Variants in TTC39C observed in about 807,000 individuals in gnomAD.
TTC39C encodes tetratricopeptide repeat protein 39C.
A neutral mutation model predicts 76.3 loss-of-function variants in TTC39C; 33 were observed. That is an observed-to-expected ratio of 0.43 (90% confidence interval 0.33 to 0.58). TTC39C has a LOEUF of 0.58. Ranked by LOEUF, TTC39C falls within the 20% of genes least tolerant of loss-of-function variation. TTC39C has a pLI of 0.04. For missense variants in TTC39C, 595 were observed against 701.4 expected (o/e 0.85, Z 1.71); for synonymous variants, 254 against 260.6 (o/e 0.97, Z 0.24).
At chr18:24,049,049 G>A (rs2083919054) in intron 1 of TTC39C, among the ~76,000 whole-genome samples, 1 of 152,154 alleles carries the variant, frequency 6.6e-6, no homozygotes, top group Non-Finnish European at 1.5e-5. Flanking sequence ...ATAAGAAGTG[G>A]CCTTTATAAT....
intron 1 of TTC39C, among the ~76,000 whole-genome samples, chr18:24,060,313 G>GT (rs1294806136): frequency 0.25 from 22,524 of 89,270 alleles, 3,434 homozygotes; most frequent in Admixed American, 0.34. Context: ...TTGCGTTTCT[G>GT]TTTTTTTTTT....
At chr18:24,086,371 A>G (rs771745682) in intron 6 of TTC39C, among the ~76,000 whole-genome samples, 41 of 151,948 alleles carry the variant, frequency 2.7e-4, no homozygotes, top group Non-Finnish European at 5.1e-4. Context: ...TGTACTCGTT[A>G]TTTTCAAATC....
intron 6 of TTC39C, chr18:24,099,444 G>A (rs1408801914): frequency 6.6e-6 from 1 of 151,886 alleles, no homozygotes; most frequent in East Asian, 1.9e-4. Context: ...TACAGTTCCA[G>A]TGAGGGTTAG....
At chr18:24,107,459 A>T (rs1407744378) in intron 6 of TTC39C, among the ~76,000 whole-genome samples, 1 of 152,164 alleles carries the variant, frequency 6.6e-6, no homozygotes, top group East Asian at 1.9e-4. Context: ...GTGTCATGGG[A>T]GGGGCCAGGT....
At position 24,114,221 on chromosome 18, in the gene TTC39C, G is replaced by T. The variant is rs994321037; in HGVS notation, c.985-333G>T. 1.1e-5 allele frequency: 3 copies of T among 271,224 alleles called. 1 individual carries two copies. Among genetic ancestry groups the T allele is most frequent in the Non-Finnish European group, 2.1e-5 (3 of 141,006 alleles). The allele number at this position is 271,224 out of a possible 1,614,324, so 16.8% of individuals were successfully genotyped here. On this transcript the variant is annotated intron_variant, in intron 6 of 13. Coordinates refer to ENST00000317571, the MANE Select transcript of TTC39C (RefSeq NM_001135993.2). Reference sequence around the variant, plus strand: ...GTGAGAGAACGCTGGAGGAGAAGGCGGCGCGAGCTGAGCCCTTACCACCTG... The same window carrying T: ...GTGAGAGAACGCTGGAGGAGAAGGCTGCGCGAGCTGAGCCCTTACCACCTG...
At chr18:24,130,885 T>A (rs1279935006) in intron 12 of TTC39C, among the ~76,000 whole-genome samples, 2 of 151,652 alleles carry the variant, frequency 1.3e-5, no homozygotes, top group Non-Finnish European at 2.9e-5. Flanking sequence ...AAATACAGTT[T>A]TTAAAAGTTA....
At chr18:24,063,942 A>G (rs1296979814) in intron 1 of TTC39C, among the ~76,000 whole-genome samples, 198 bp from the exon 2 acceptor site, 1 of 152,330 alleles carries the variant, frequency 6.6e-6, no homozygotes, top group Middle Eastern at 3.4e-3. Context: ...GGCAAATTCT[A>G]TCCTGGCAGA....
intron 1 of TTC39C, among the ~76,000 whole-genome samples, chr18:24,029,300 T>G (rs893130423): frequency 6.6e-6 from 1 of 151,836 alleles, no homozygotes; most frequent in African/African-American, 2.4e-5. Context: ...ACGGGGTTTT[T>G]CCGTGTTGGC....
intron 6 of TTC39C, among the ~76,000 whole-genome samples, chr18:24,087,585 T>TTTTTTTTGTTTG (rs1288778755): frequency 6.8e-6 from 1 of 146,278 alleles, no homozygotes; most frequent in Non-Finnish European, 1.5e-5. Context: ...GAGAACTGTT[T>TTTTTTTTGTTTG]TTTTTTTGTT....
intron 1 of TTC39C, among the ~76,000 whole-genome samples, chr18:24,062,071 G>A (rs1440544077): frequency 6.6e-6 from 1 of 152,180 alleles, no homozygotes; most frequent in East Asian, 1.9e-4. Flanking sequence ...GAGGGAAAAT[G>A]GTTTCCTTGC....
At chr18:24,015,969 A>T (rs1002315031) in intron 1 of TTC39C, among the ~76,000 whole-genome samples, 1 of 152,148 alleles carries the variant, frequency 6.6e-6, no homozygotes, top group Admixed American at 6.5e-5. Flanking sequence ...TTTCCCCAAC[A>T]CGTTTAAGGA....
At chr18:24,069,003 T>A (rs907547441) in intron 3 of TTC39C, among the ~76,000 whole-genome samples, 154 bp from the exon 4 acceptor site, 1 of 152,256 alleles carries the variant, frequency 6.6e-6, no homozygotes, top group Admixed American at 6.5e-5. Flanking sequence ...AATTTGGAGC[T>A]GCCAGGCTCA....
chr18:24,109,284 A>C (rs2145801655), intron 6 of TTC39C, among the ~76,000 whole-genome samples: 1 of 152,134 alleles, frequency 6.6e-6, no homozygotes, highest in Non-Finnish European at 1.5e-5. Flanking sequence ...TGAGCCCAGA[A>C]GTTCAAGGCA....
chr18:24,067,460 C>T (rs919184853), intron 3 of TTC39C, among the ~76,000 whole-genome samples: 2 of 152,204 alleles, frequency 1.3e-5, no homozygotes, highest in Admixed American at 6.5e-5. Context: ...GGAACCAAGC[C>T]ACAGGGCAGG....
At chr18:24,083,660 A>G (rs1568431358) in intron 6 of TTC39C, among the ~76,000 whole-genome samples, 1 of 152,142 alleles carries the variant, frequency 6.6e-6, no homozygotes, top group African/African-American at 2.4e-5. Context: ...ATAAACAGGG[A>G]TCTAAGAGGG....
At chr18:24,125,647 C>T in intron 10 of TTC39C, 97 bp downstream of exon 10, 2 of 1,508,300 alleles carry the variant, frequency 1.3e-6, no homozygotes, top group South Asian at 1.2e-5. Flanking sequence ...TCATGTTTAT[C>T]TCATCGGAGT....
At chr18:24,088,623 C>T (rs1192014668) in intron 6 of TTC39C, among the ~76,000 whole-genome samples, 1 of 152,306 alleles carries the variant, frequency 6.6e-6, no homozygotes, top group African/African-American at 2.4e-5. Flanking sequence ...CCTCTCTGCC[C>T]GTCCACCACT....
At position 24,128,990 on chromosome 18, in the gene TTC39C, T is replaced by C; in HGVS notation, c.1518+7T>C. The C allele has an allele frequency of 6.2e-7, 1 of 1,609,312 alleles. No homozygotes were observed. The highest frequency in any genetic ancestry group is 1.7e-4 in the Middle Eastern group (1 of 6,040). ...CTCAGAAGATGCTGTTCAGGTAAAC[T>C]GTTAATGTTGTCAGGGCTAAAGAAA... is the stretch of plus-strand genomic sequence containing the variant. On this transcript the variant is annotated splice_region_variant and intron_variant, in intron 11 of 13. Coordinates refer to ENST00000317571, the MANE Select transcript of TTC39C (RefSeq NM_001135993.2).
At chr18:24,120,219 G>T (rs944174155) in intron 8 of TTC39C, among the ~76,000 whole-genome samples, 1 of 152,166 alleles carries the variant, frequency 6.6e-6, no homozygotes, top group African/African-American at 2.4e-5. Context: ...GCGTGGTGGC[G>T]CACACCTGTA....
Sources: gnomAD v4.1 joint callset for allele counts (sites outside exome capture counted in the v4.1 genomes callset) on GRCh38, gnomAD v4.1.1 for gene constraint, MANE v1.5 for transcripts, NCBI Gene and HGNC (gene_info 2026-07-23, HGNC 2026-07-21) for gene names.